The following PPP2R2D variants were observed in gnomAD, a reference collection of about 807,000 sequenced individuals.
PPP2R2D encodes protein phosphatase 2 regulatory subunit Bdelta.
PPP2R2D carries 9 observed loss-of-function variants against 31.1 expected under a neutral mutation model. The ratio of observed to expected loss-of-function variants is 0.29; its 90% CI spans 0.17 to 0.51. PPP2R2D has a LOEUF of 0.51. PPP2R2D is among the 20% of genes least tolerant of loss of function. The probability of loss-of-function intolerance (pLI) is 0.98; values close to 1 mark genes in which losing one functional copy is unlikely to be tolerated. For missense variants in PPP2R2D, 391 were observed against 465.6 expected (o/e 0.84, Z 1.48); for synonymous variants, 179 against 172.6 (o/e 1.04, Z -0.29).
chr10:131,933,519 C>T (rs980894823), intron 2 of PPP2R2D, among the ~76,000 whole-genome samples: 6 of 152,088 alleles, frequency 3.9e-5, no homozygotes, highest in African/African-American at 1.4e-4. Context: ...CAGGGTAAGG[C>T]GAGGAGTCCC....
chr10:131,965,699 G>C, the PPP2R2D span, among the ~76,000 whole-genome samples: 1 of 152,220 alleles, frequency 6.6e-6, no homozygotes, highest in African/African-American at 2.4e-5. Flanking sequence ...ACCCGCCCCA[G>C]CCTCCCAAAG....
chr10:131,916,056 A>T (rs1199609566), intron 2 of PPP2R2D, among the ~76,000 whole-genome samples: 1 of 152,226 alleles, frequency 6.6e-6, no homozygotes, highest in Non-Finnish European at 1.5e-5. Flanking sequence ...TACTGATCAC[A>T]GTCAAATATG....
chr10:131,968,520 T>A, the PPP2R2D span: 11 of 1,592,168 alleles, frequency 6.9e-6, no homozygotes, highest in Admixed American at 1.7e-4. Flanking sequence ...ACTCCAGTTC[T>A]TCATCAAAAG....
At chr10:131,906,064 A>G (rs980522589) in intron 2 of PPP2R2D, among the ~76,000 whole-genome samples, 3 of 152,246 alleles carry the variant, frequency 2.0e-5, no homozygotes, top group South Asian at 2.1e-4. Flanking sequence ...TACCACAGAG[A>G]CAGTAAGTAA....
In PPP2R2D at chr10:131,956,084, C is replaced by T; in HGVS notation, c.*121C>T. 7.8e-7 allele frequency: 1 copy of T among 1,275,088 alleles called. No homozygotes were observed. Among genetic ancestry groups the T allele is most frequent in the South Asian group, 3.1e-5 (1 of 31,984 alleles). 79.0% of individuals were successfully genotyped at this position (1,275,088 alleles called of 1,614,324 possible). ...GTGACGCACCTGCTACTTCCCTTCA[C>T]AGACACAGGAGAAAGCCGCCTCCGC... On this transcript the variant is annotated 3_prime_UTR_variant, in exon 9 of 9. Coordinates refer to ENST00000455566, the MANE Select transcript of PPP2R2D (RefSeq NM_018461.5).
chr10:131,909,237 A>T (rs1489854109), intron 2 of PPP2R2D, among the ~76,000 whole-genome samples: 1 of 152,198 alleles, frequency 6.6e-6, no homozygotes, highest in Admixed American at 6.5e-5. Context: ...GATGAGCAGG[A>T]GGCTGGCTGG....
At chr10:131,917,197 G>T (rs1554893281) in intron 2 of PPP2R2D, among the ~76,000 whole-genome samples, 1 of 134,492 alleles carries the variant, frequency 7.4e-6, no homozygotes, top group Non-Finnish European at 1.6e-5. Context: ...GGGACCTCAG[G>T]TGGGTGGAAT....
At chr10:131,936,766 C>G (rs77633510) in intron 3 of PPP2R2D, among the ~76,000 whole-genome samples, 1 of 152,222 alleles carries the variant, frequency 6.6e-6, no homozygotes, top group East Asian at 1.9e-4. Context: ...TATACAGGAG[C>G]AAGTCCCTAC....
chr10:131,940,319 T>A (rs893916438), intron 4 of PPP2R2D, 123 bp downstream of exon 4: 4 of 572,668 alleles, frequency 7.0e-6, no homozygotes, highest in African/African-American at 1.9e-5. Flanking sequence ...GAGGGTAAGT[T>A]ATCTAGGGTA....
At chr10:131,902,704 G>T (rs1473107134) in intron 2 of PPP2R2D, among the ~76,000 whole-genome samples, 16 of 152,212 alleles carry the variant, frequency 1.1e-4, no homozygotes, top group Admixed American at 4.6e-4. Context: ...TTGTTTGGGA[G>T]TAGGAAAGTG....
chr10:131,932,665 A>AAAAAAAAAAAAAAAG, intron 2 of PPP2R2D, among the ~76,000 whole-genome samples: 1 of 144,346 alleles, frequency 6.9e-6, no homozygotes, highest in Non-Finnish European at 1.5e-5. Flanking sequence ...AAAAAAAAAA[A>AAAAAAAAAAAAAAAG]AAACACACAA....
At chr10:131,931,275 AGTC>A (rs1456522323) in intron 2 of PPP2R2D, among the ~76,000 whole-genome samples, 1 of 152,354 alleles carries the variant, frequency 6.6e-6, no homozygotes, top group East Asian at 1.9e-4. Context: ...GGCTGGTAGT[AGTC>A]AGCAGATCTC....
At chr10:131,919,510 T>C (rs1308916031) in intron 2 of PPP2R2D, among the ~76,000 whole-genome samples, 1 of 106,826 alleles carries the variant, frequency 9.4e-6, no homozygotes, top group East Asian at 3.6e-4. Context: ...CTCAGGTGGG[T>C]GGAATGACAC....
In PPP2R2D at chr10:131,930,000, G is replaced by T. The variant is rs181335244; in HGVS notation, c.101-4458G>T. Among the ~76,000 whole-genome samples the T allele has an allele frequency of 1.2e-3, 190 of 152,202 alleles. 1 individual carries two copies. The highest frequency in any genetic ancestry group is 4.1e-3 in the African/African-American group (170 of 41,546). On this transcript the variant is annotated intron_variant, in intron 2 of 8. Transcript: ENST00000455566. Reference sequence around the variant, plus strand: ...CTCCTGTATGGCAACCGATGATTCCGCCTTTTACTGATACCACCTTCAGCC... The same window carrying T: ...CTCCTGTATGGCAACCGATGATTCCTCCTTTTACTGATACCACCTTCAGCC...
chr10:131,919,926 CAG>C (rs2035937020), intron 2 of PPP2R2D, among the ~76,000 whole-genome samples: 1 of 146,150 alleles, frequency 6.8e-6, no homozygotes, highest in Non-Finnish European at 1.5e-5. Context: ...TGGAATGACA[CAG>C]TGTTTGTAGG....
chr10:131,929,213 C>G (rs1466726534), intron 2 of PPP2R2D, among the ~76,000 whole-genome samples: 1 of 152,230 alleles, frequency 6.6e-6, no homozygotes, highest in African/African-American at 2.4e-5. Context: ...GCGCCCCCTC[C>G]TGATCCTCTG....
chr10:131,917,083 G>C (rs2035813765), intron 2 of PPP2R2D, among the ~76,000 whole-genome samples: 1 of 147,852 alleles, frequency 6.8e-6, no homozygotes, highest in Non-Finnish European at 1.5e-5. Flanking sequence ...AGTGTTTGTA[G>C]GGACCTCACA....
intron 2 of PPP2R2D, among the ~76,000 whole-genome samples, chr10:131,915,229 G>C (rs1387505770): frequency 2.0e-5 from 3 of 151,974 alleles, no homozygotes; most frequent in Non-Finnish European, 4.4e-5. Context: ...TAGTAATAAT[G>C]ATTGAAAAGG....
At chr10:131,914,797 G>A (rs900371746) in intron 2 of PPP2R2D, among the ~76,000 whole-genome samples, 6 of 152,156 alleles carry the variant, frequency 3.9e-5, no homozygotes, top group African/African-American at 1.4e-4. Context: ...TGCCTGTGGG[G>A]AAAGGGTGGT....
Sources: allele counts gnomAD v4.1 joint callset (sites outside exome capture counted in the v4.1 genomes callset), GRCh38; gene constraint gnomAD v4.1.1; transcripts MANE v1.5; gene names NCBI Gene and HGNC (gene_info 2026-07-23, HGNC 2026-07-21).